NTM: variants seen among roughly 807,000 people sequenced by gnomAD.
NTM encodes neurotrimin.
Under a neutral mutation model 42.1 loss-of-function variants are expected in NTM, and 13 were observed. The observed-to-expected ratio is 0.31, with a 90% CI of 0.20 to 0.49. NTM has a LOEUF of 0.49. Ranked by LOEUF, NTM falls within the 20% of genes least tolerant of loss-of-function variation. The pLI, the probability that NTM is intolerant of heterozygous loss-of-function variation, is 0.99. For missense variants in NTM, 373 were observed against 452.8 expected, an observed-to-expected ratio of 0.82 and a Z score of 1.60; for synonymous variants, 187 against 179.2, an observed-to-expected ratio of 1.04 and a Z score of -0.35.
chr11:131,480,788 G>A (rs1591791832), intron 1 of NTM, among the ~76,000 whole-genome samples: 1 of 152,092 alleles, frequency 6.6e-6, no homozygotes, highest in South Asian at 2.1e-4. Flanking sequence ...ACTTCAGTCT[G>A]GGTGGTGGGG....
At chr11:131,688,201 G>A (rs1238363868) in intron 1 of NTM, among the ~76,000 whole-genome samples, 2 of 152,154 alleles carry the variant, frequency 1.3e-5, no homozygotes, top group Non-Finnish European at 2.9e-5. Context: ...CCGCGAGGCT[G>A]CCTCCACCGA....
chr11:131,396,688 G>T (rs372082572), intron 1 of NTM, among the ~76,000 whole-genome samples: 5 of 152,032 alleles, frequency 3.3e-5, no homozygotes, highest in African/African-American at 1.2e-4. Flanking sequence ...ACAAAAATTA[G>T]TCAGGCACTG....
At chr11:131,605,141 A>G (rs2324520) in intron 1 of NTM, among the ~76,000 whole-genome samples, 65,031 of 151,736 alleles carry the variant, frequency 0.43, 16,010 homozygotes, top group East Asian at 0.61. Flanking sequence ...TGGTGAATCA[A>G]TCAATACATT....
chr11:132,012,704 A>T (rs918108957), intron 2 of NTM, among the ~76,000 whole-genome samples: 2 of 152,096 alleles, frequency 1.3e-5, no homozygotes, highest in African/African-American at 2.4e-5. Flanking sequence ...TTCATTTTTT[A>T]AAAAAGAGAA....
chr11:131,972,038 G>A (rs1472697615), intron 2 of NTM, among the ~76,000 whole-genome samples: 12 of 22,952 alleles, frequency 5.2e-4, no homozygotes, highest in African/African-American at 8.3e-4. Flanking sequence ...GTGAGACTCC[G>A]TCTCAAAAAA....
chr11:132,230,554 G>T (rs1240591740), intron 4 of NTM, among the ~76,000 whole-genome samples: 1 of 152,166 alleles, frequency 6.6e-6, no homozygotes, highest in Non-Finnish European at 1.5e-5. Flanking sequence ...GAACCTCAAC[G>T]CTCCCTTTCT....
chr11:132,021,403 C>T lies in NTM; in HGVS notation c.167+109755C>T, dbSNP rs189525380. Among the ~76,000 whole-genome samples, 298 of 152,232 alleles carry T rather than the reference C, an allele frequency of 2.0e-3. 3 individuals are homozygous for T. Among genetic ancestry groups the T allele is most frequent in the Admixed American group, 5.3e-3 (81 of 15,306 alleles). On this transcript the variant is annotated intron_variant, in intron 2 of 8. Transcript: ENST00000683400. The stretch of plus-strand genomic sequence containing the variant: ...ACAATCAGAGAGTTTCTATTGCCTA[C>T]TTTGTTTTGTATGGGTCACAGTTTC...
rs1428970481 is a variant in NTM at position 131,789,556 on chromosome 11, G to A, written c.83-122008G>A. On this transcript the variant is annotated intron_variant, in intron 1 of 8. Transcript: ENST00000683400. ...AAGAAGAAGAAGAAGAAAAGAAGAAGAAGAAGAAGAAGAAGAAGAAGAAGA... is the reference window on the plus strand; with the variant it reads ...AAGAAGAAGAAGAAGAAAAGAAGAAAAAGAAGAAGAAGAAGAAGAAGAAGA... Among the ~76,000 whole-genome samples, 3 of 15,266 alleles carry A rather than the reference G, an allele frequency of 2.0e-4. 1 individual carries two copies. The highest frequency in any genetic ancestry group is 1.1e-3 in the African/African-American group (3 of 2,752). 10.0% of individuals were successfully genotyped at this position (15,266 alleles called of 152,430 possible). A position where few individuals can be genotyped will look rare whatever the true frequency, so the allele number is the denominator to read the frequency against.
intron 3 of NTM, among the ~76,000 whole-genome samples, chr11:132,158,011 C>G (rs774440502): frequency 1.3e-5 from 2 of 152,208 alleles, no homozygotes; most frequent in Non-Finnish European, 2.9e-5. Flanking sequence ...TTCTACCTAA[C>G]TGGCCTGCTT....
chr11:132,075,367 G>C (rs2058227142), intron 2 of NTM, among the ~76,000 whole-genome samples: 4 of 152,320 alleles, frequency 2.6e-5, no homozygotes, highest in Admixed American at 2.0e-4. Flanking sequence ...ATTAAAATGT[G>C]AAAACATATT....
chr11:131,376,184 A>G (rs1183088291), intron 1 of NTM, among the ~76,000 whole-genome samples: 3 of 152,226 alleles, frequency 2.0e-5, no homozygotes, highest in African/African-American at 7.2e-5. Context: ...CCAACGGACC[A>G]TGGGCGAGTT....
chr11:131,494,655 C>T lies in NTM; in HGVS notation c.82+123767C>T, dbSNP rs147523268. Among the ~76,000 whole-genome samples the T allele has an allele frequency of 7.8e-4, 119 of 152,184 alleles. 1 individual carries two copies. The highest frequency in any genetic ancestry group is 2.6e-3 in the African/African-American group (109 of 41,522). Reference sequence around the variant, plus strand: ...GGTCTGGCAAAATATCTTGAATGAACGCATAAATAAATGGATGAATGTTTC... The same window carrying T: ...GGTCTGGCAAAATATCTTGAATGAATGCATAAATAAATGGATGAATGTTTC... On this transcript the variant is annotated intron_variant, in intron 1 of 8. Coordinates refer to ENST00000683400, the MANE Select transcript of NTM (RefSeq NM_001352005.2).
intron 1 of NTM, among the ~76,000 whole-genome samples, chr11:131,519,639 T>A (rs1310555140): frequency 2.1e-5 from 3 of 145,672 alleles, no homozygotes; most frequent in Admixed American, 6.8e-5. Flanking sequence ...GAGTTAGTTA[T>A]GACCAGCCCA....
chr11:132,331,897 G>A (rs1410621477), intron 8 of NTM, among the ~76,000 whole-genome samples: 1 of 152,140 alleles, frequency 6.6e-6, no homozygotes, highest in Non-Finnish European at 1.5e-5. Context: ...CTCACATGTG[G>A]TTATGTGGCA....
At chr11:131,540,465 A>G (rs1401368077) in intron 1 of NTM, 1 of 152,152 alleles carries the variant, frequency 6.6e-6, no homozygotes, top group Non-Finnish European at 1.5e-5. Context: ...ATGGCCAGCC[A>G]GCTATTTAAG....
At chr11:132,128,102 A>T (rs996283521) in intron 2 of NTM, among the ~76,000 whole-genome samples, 1 of 152,182 alleles carries the variant, frequency 6.6e-6, no homozygotes, top group African/African-American at 2.4e-5. Flanking sequence ...GGGGTTGTAG[A>T]TGAAGTCTGA....
intron 1 of NTM, among the ~76,000 whole-genome samples, chr11:131,673,129 G>A (rs1034113422): frequency 9.9e-5 from 15 of 152,156 alleles, no homozygotes; most frequent in Admixed American, 5.9e-4. Flanking sequence ...GCTAGGGAGG[G>A]CAGGAGGGTC....
intron 7 of NTM, chr11:132,315,003 TG>T (rs1381737708): frequency 4.3e-6 from 5 of 1,150,446 alleles, no homozygotes; most frequent in Non-Finnish European, 5.3e-6. Flanking sequence ...TGAAAAAGAA[TG>T]TTCATGTTTC....
intron 2 of NTM, among the ~76,000 whole-genome samples, chr11:132,138,456 G>A (rs2068382638): frequency 6.6e-6 from 1 of 152,182 alleles, no homozygotes. Flanking sequence ...AATGTGAACA[G>A]AATGTACAGG....
Sources: gnomAD v4.1 joint callset for allele counts (sites outside exome capture counted in the v4.1 genomes callset) on GRCh38, gnomAD v4.1.1 for gene constraint, MANE v1.5 for transcripts, NCBI Gene and HGNC (gene_info 2026-07-23, HGNC 2026-07-21) for gene names.